Variants in ENTPD6 observed in about 807,000 individuals in gnomAD.
ENTPD6 encodes CD39 antigen-like 2.
ENTPD6 carries 46 observed loss-of-function variants against 61.5 expected under a neutral mutation model. The observed-to-expected ratio is 0.75, with a 90% CI of 0.59 to 0.96. ENTPD6 has a LOEUF of 0.96. Among genes scored for constraint, ENTPD6 ranks in the 40% least tolerant of loss-of-function variants. The pLI, the probability that ENTPD6 is intolerant of heterozygous loss-of-function variation, is 0.00. For missense variants in ENTPD6, 612 were observed against 629.0 expected, an observed-to-expected ratio of 0.97 and a Z score of 0.29; for synonymous variants, 252 against 255.5, an observed-to-expected ratio of 0.99 and a Z score of 0.13.
Position 25,196,330 on chromosome 20 carries a change from G to A in ENTPD6, c.-16+463G>A, listed in dbSNP as rs543574369. The A allele has an allele frequency of 7.2e-5, 52 of 721,858 alleles. No individual in the cohort carries two copies. The Middle Eastern group carries it at 4.1e-3, about 57-fold the overall frequency. 44.7% of individuals were successfully genotyped at this position (721,858 alleles called of 1,614,324 possible). On this transcript the variant is annotated intron_variant, in intron 1 of 14. Coordinates refer to ENST00000376652, the MANE Select transcript of ENTPD6 (RefSeq NM_001247.5). ...TGGCATTGGGGTGGTGTCCCGAGGAGCTCATAGGTGGTCAGGGCGGTTCTG... is the reference window on the plus strand; with the variant it reads ...TGGCATTGGGGTGGTGTCCCGAGGAACTCATAGGTGGTCAGGGCGGTTCTG...
Position 25,217,424 on chromosome 20 carries a change from T to G in ENTPD6, c.799-78T>G, listed in dbSNP as rs911163958. 3.6e-6 allele frequency: 5 copies of G among 1,380,996 alleles called. No individual in the cohort carries two copies. In the African/African-American group the frequency reaches 7.1e-5, roughly 20 times the overall value. The allele number at this position is 1,380,996 out of a possible 1,614,324, so 85.5% of individuals were successfully genotyped here. A position where few individuals can be genotyped will look rare whatever the true frequency, so the allele number is the denominator to read the frequency against. On this transcript the variant is annotated intron_variant, in intron 8 of 14. Coordinates refer to ENST00000376652, the MANE Select transcript of ENTPD6 (RefSeq NM_001247.5). ...GGCTGCACCTGACCATCCCCTTTCT[T>G]TCAAATGAATTCAGTGGGTGGAGGA...
chr20:25,213,726 A>C (rs1600602408), intron 5 of ENTPD6, among the ~76,000 whole-genome samples: 1 of 152,144 alleles, frequency 6.6e-6, no homozygotes, highest in African/African-American at 2.4e-5. Flanking sequence ...AAGGCGGGCG[A>C]ATCATTTGAG....
intron 4 of ENTPD6, among the ~76,000 whole-genome samples, chr20:25,212,450 G>A (rs113250709): frequency 0.029 from 4,416 of 152,214 alleles, 195 homozygotes; most frequent in African/African-American, 0.098. Flanking sequence ...TTATTCTCCT[G>A]ACCTGTCCTC....
chr20:25,202,223 C>T (rs1038992347), intron 1 of ENTPD6, among the ~76,000 whole-genome samples: 1 of 152,118 alleles, frequency 6.6e-6, no homozygotes, highest in Non-Finnish European at 1.5e-5. Context: ...AAAGGTTGAT[C>T]TTGCTGTCTC....
chr20:25,214,148 T>C (rs1405864929), intron 5 of ENTPD6, among the ~76,000 whole-genome samples: 1 of 152,128 alleles, frequency 6.6e-6, no homozygotes, highest in Admixed American at 6.5e-5. Context: ...TCAGGGCCAA[T>C]GTGTCTCCAG....
At position 25,225,693 on chromosome 20, in the gene ENTPD6, G is replaced by A; in HGVS notation, c.*96G>A. ...CTTCATCCTGAGGAGCCACAGCACA[G>A]GCCGTGCTGGCACTTTCTGCACACT... On this transcript the variant is annotated 3_prime_UTR_variant, in exon 15 of 15. Coordinates refer to ENST00000376652, the MANE Select transcript of ENTPD6 (RefSeq NM_001247.5). The A allele has an allele frequency of 9.9e-7, 1 of 1,005,894 alleles. No individual in the cohort carries two copies. The highest frequency in any genetic ancestry group is 2.4e-5 in the East Asian group (1 of 41,484). 62.3% of individuals were successfully genotyped at this position (1,005,894 alleles called of 1,614,324 possible).
Position 25,226,508 on chromosome 20 carries a change from A to G in ENTPD6, c.*911A>G, listed in dbSNP as rs1200132120. The G allele has an allele frequency of 1.3e-5, 2 of 150,298 alleles. No individual in the cohort carries two copies. The highest frequency in any genetic ancestry group is 4.0e-4 in the East Asian group (2 of 5,020). The allele number at this position is 150,298 out of a possible 1,614,324, so 9.3% of individuals were successfully genotyped here. On this transcript the variant is annotated 3_prime_UTR_variant, in exon 15 of 15. Transcript: ENST00000376652. Reference sequence around the variant, plus strand: ...GGGTCAGCTGAGCCACAGTCCCAGAACCAAGCTCTCGGTGTCTCGGGCCAC... The same window carrying G: ...GGGTCAGCTGAGCCACAGTCCCAGAGCCAAGCTCTCGGTGTCTCGGGCCAC...
chr20:25,211,134 G>A (rs1335704037), intron 4 of ENTPD6, among the ~76,000 whole-genome samples: 1 of 152,240 alleles, frequency 6.6e-6, no homozygotes, highest in Non-Finnish European at 1.5e-5. Context: ...TATGGAGAGA[G>A]TTGTAACTTC....
At chr20:25,225,011 G>A in intron 13 of ENTPD6, 194 bp from the exon 14 acceptor site, 1 of 756,630 alleles carries the variant, frequency 1.3e-6, no homozygotes, top group Non-Finnish European at 2.1e-6. Flanking sequence ...CCCAGACCCA[G>A]TGGCAGCCGG....
rs1486947217 is a variant in ENTPD6, at chr20:25,224,089, T to C, written c.1187-12T>C. 1 of 1,610,280 alleles carries C rather than the reference T, an allele frequency of 6.2e-7. No homozygotes were observed. Among genetic ancestry groups the C allele is most frequent in the Non-Finnish European group, 8.5e-7 (1 of 1,178,226 alleles). ...CAGTGCTCCTGCAGACTGGGTGTTG[T>C]GTCTCCCACAGATGCGGAGAAGGGA... On this transcript the variant is annotated splice_polypyrimidine_tract_variant and intron_variant, in intron 12 of 14. Coordinates refer to ENST00000376652, the MANE Select transcript of ENTPD6 (RefSeq NM_001247.5).
rs746473952 is a variant in ENTPD6, at chr20:25,207,251, C to G, written c.230C>G (p.Ala77Gly). Residue 77 changes from alanine to glycine, a missense_variant, in exon 3 of 15, where the codon GCA becomes GGA. Coordinates refer to ENST00000376652, the MANE Select transcript of ENTPD6 (RefSeq NM_001247.5). ...ATQAFFSITR[A>G]APGARWGQQA... is the part of the protein sequence containing the mutation. Reference sequence around the variant, plus strand: ...CAGGCCTTCTTCAGCATCACCAGGGCAGCCCCGGGGGCCCGGTGGGGTCAG... The same window carrying G: ...CAGGCCTTCTTCAGCATCACCAGGGGAGCCCCGGGGGCCCGGTGGGGTCAG... 4 of 1,614,054 alleles carry G rather than the reference C, an allele frequency of 2.5e-6. No homozygotes were observed. The highest frequency in any genetic ancestry group is 3.4e-6 in the Non-Finnish European group (4 of 1,179,986).
chr20:25,216,244 C>A (rs1035497595), intron 7 of ENTPD6, among the ~76,000 whole-genome samples: 2 of 152,096 alleles, frequency 1.3e-5, no homozygotes, highest in Non-Finnish European at 2.9e-5. Flanking sequence ...AAGAAGTTTC[C>A]TGTCAGGTTT....
intron 1 of ENTPD6, 21 bp downstream of exon 1, chr20:25,195,888 C>T (rs751706351): frequency 1.6e-6 from 2 of 1,232,994 alleles, no homozygotes; most frequent in Non-Finnish European, 2.0e-6. Flanking sequence ...GGCCGGGGCG[C>T]TGGCGGGGGC....
chr20:25,201,594 G>T (rs966776664), intron 1 of ENTPD6, among the ~76,000 whole-genome samples: 1 of 151,996 alleles, frequency 6.6e-6, no homozygotes, highest in African/African-American at 2.4e-5. Context: ...GCTCTCCTTT[G>T]GTCACTCTTT....
chr20:25,223,568 G>A (rs571775018), intron 12 of ENTPD6, among the ~76,000 whole-genome samples: 17 of 152,176 alleles, frequency 1.1e-4, no homozygotes, highest in Admixed American at 3.3e-4. Context: ...ACACGGTGCC[G>A]GCTCTCTGGG....
At chr20:25,210,899 G>A (rs536229488) in intron 4 of ENTPD6, among the ~76,000 whole-genome samples, 7 of 152,308 alleles carry the variant, frequency 4.6e-5, no homozygotes, top group South Asian at 2.1e-4. Context: ...CTGAGATTGC[G>A]CCACTGTACT....
rs917211724 is a variant in ENTPD6 at position 25,227,765 on chromosome 20, A to G, written c.*2168A>G. Reference sequence around the variant, plus strand: ...GCAGTCCCCGTGTTTGGATGGCAGGATCCCAGGGCAGTGAGTTTCAGGGCA... The same window carrying G: ...GCAGTCCCCGTGTTTGGATGGCAGGGTCCCAGGGCAGTGAGTTTCAGGGCA... On this transcript the variant is annotated 3_prime_UTR_variant, in exon 15 of 15. Transcript: ENST00000376652. 7.9e-5 allele frequency among the ~76,000 whole-genome samples: 12 copies of G among 152,238 alleles called. No individual in the cohort carries two copies. The highest frequency in any genetic ancestry group is 2.9e-4 in the African/African-American group (12 of 41,470).
Position 25,225,230 on chromosome 20 carries a change from G to A in ENTPD6, c.1269G>A (p.Pro423=), listed in dbSNP as rs144725872. The part of the protein sequence containing the change: ...KYVCRTLETQ[P]QSSPFSCMDL... ...TGTGTCGGACCCTGGAGACACAGCC[G>A]CAGAGCAGCCCCTTCTCATGCATGG... Residue 423 remains proline (P), a synonymous_variant, in exon 14 of 15, where the codon CCG becomes CCA. Transcript: ENST00000376652. 5.3e-5 allele frequency: 85 copies of A among 1,613,108 alleles called. No homozygotes were observed. Among genetic ancestry groups the A allele is most frequent in the East Asian group, 1.1e-4 (5 of 44,832 alleles).
intron 9 of ENTPD6, 36 bp downstream of exon 9, chr20:25,217,617 G>A: frequency 6.3e-7 from 1 of 1,587,938 alleles, no homozygotes; most frequent in Non-Finnish European, 8.6e-7. Context: ...GAGGCGCCAT[G>A]GGGTGGGTAT....
Sources: allele counts gnomAD v4.1 joint callset (sites outside exome capture counted in the v4.1 genomes callset), GRCh38; gene constraint gnomAD v4.1.1; transcripts MANE v1.5; gene names NCBI Gene and HGNC (gene_info 2026-07-23, HGNC 2026-07-21).